Variants in HAPSTR1 observed in about 807,000 individuals in gnomAD.
HAPSTR1 encodes the protein HUWE1 associated protein modifying stress responses.
chr16:9,097,572 G>C, the HAPSTR1 span, among the ~76,000 whole-genome samples: 1 of 152,166 alleles, frequency 6.6e-6, no homozygotes, highest in Admixed American at 6.5e-5. Flanking sequence ...TATGTTGGTT[G>C]CAAGTATGAG....
chr16:9,102,021 T>C, the HAPSTR1 span, among the ~76,000 whole-genome samples: 1 of 152,082 alleles, frequency 6.6e-6, no homozygotes, highest in Non-Finnish European at 1.5e-5. Context: ...CTCAGGAGGC[T>C]GAAGCAGGAG....
At chr16:9,104,223 C>G in the HAPSTR1 span, 1 of 151,588 alleles carries the variant, frequency 6.6e-6, no homozygotes, top group East Asian at 1.9e-4. Context: ...AAGCGATTCT[C>G]CTGCCTCAGC....
chr16:9,092,374 G>A, the HAPSTR1 span: 1 of 1,071,632 alleles, frequency 9.3e-7, no homozygotes, highest in African/African-American at 1.7e-5. Flanking sequence ...CGACGGCGGC[G>A]GCCTCGGGGA....
At chr16:9,120,832 C>A in the HAPSTR1 span, 1 of 151,876 alleles carries the variant, frequency 6.6e-6, no homozygotes, top group Non-Finnish European at 1.5e-5. Flanking sequence ...TGCCTGCCAC[C>A]ACACCTGGCT....
the HAPSTR1 span, chr16:9,093,143 C>T: frequency 2.4e-6 from 2 of 846,330 alleles, no homozygotes; most frequent in Non-Finnish European, 3.7e-6. Context: ...CGCGGCGGTG[C>T]TCTAGCTAGA....
the HAPSTR1 span, chr16:9,091,805 G>C: frequency 2.6e-6 from 1 of 384,768 alleles, no homozygotes; most frequent in Non-Finnish European, 4.6e-6. Context: ...GGTCCGCGGC[G>C]ACCTTCGGCC....
the HAPSTR1 span, among the ~76,000 whole-genome samples, chr16:9,093,159 C>G: frequency 4.6e-5 from 7 of 152,100 alleles, no homozygotes. Context: ...CTAGATCCAC[C>G]GGAGGCGATT....
chr16:9,116,237 C>T, the HAPSTR1 span, among the ~76,000 whole-genome samples: 3 of 152,156 alleles, frequency 2.0e-5, no homozygotes, highest in Non-Finnish European at 4.4e-5. Flanking sequence ...ATTTCTGGCT[C>T]TCCTGAATAC....
the HAPSTR1 span, among the ~76,000 whole-genome samples, chr16:9,093,303 C>G: frequency 3.3e-5 from 5 of 152,168 alleles, no homozygotes; most frequent in African/African-American, 1.2e-4. Flanking sequence ...CCCAAGATAA[C>G]CGCCCCGGCC....
chr16:9,096,381 A>T, the HAPSTR1 span, among the ~76,000 whole-genome samples: 7 of 148,324 alleles, frequency 4.7e-5, no homozygotes, highest in East Asian at 1.4e-3. Flanking sequence ...TCTGGTGTGT[A>T]TTTCCTTCTT....
chr16:9,117,931 G>A, the HAPSTR1 span: 1 of 152,544 alleles, frequency 6.6e-6, no homozygotes, highest in African/African-American at 2.4e-5. Context: ...ACTTAAAATA[G>A]CAAAACCCAA....
At chr16:9,100,190 C>G in the HAPSTR1 span, among the ~76,000 whole-genome samples, 1 of 152,144 alleles carries the variant, frequency 6.6e-6, no homozygotes, top group Non-Finnish European at 1.5e-5. Flanking sequence ...ACTTGGTTAT[C>G]TCAGAATTTT....
the HAPSTR1 span, chr16:9,113,247 G>A: frequency 4.0e-5 from 6 of 151,856 alleles, no homozygotes; most frequent in Non-Finnish European, 2.9e-5. Flanking sequence ...GGAAGATTAG[G>A]TAGGCAGACT....
At chr16:9,113,472 G>T in the HAPSTR1 span, among the ~76,000 whole-genome samples, 2 of 152,086 alleles carry the variant, frequency 1.3e-5, no homozygotes, top group East Asian at 3.8e-4. Context: ...GAAATCCCTA[G>T]TCCACTTCTG....
the HAPSTR1 span, chr16:9,106,209 GACC>G: frequency 6.6e-6 from 1 of 151,706 alleles, no homozygotes; most frequent in African/African-American, 2.4e-5. Context: ...AGGAGTTTGA[GACC>G]ACCCTGGCCA....
the HAPSTR1 span, among the ~76,000 whole-genome samples, chr16:9,092,616 C>G: frequency 5.5e-4 from 83 of 152,206 alleles, no homozygotes; most frequent in South Asian, 0.017. Flanking sequence ...CGGGGCGGCC[C>G]CATTGTGCCC....
chr16:9,095,355 A>G, the HAPSTR1 span, among the ~76,000 whole-genome samples: 1 of 152,344 alleles, frequency 6.6e-6, no homozygotes, highest in East Asian at 1.9e-4. Context: ...AAAATTAGCA[A>G]GGTGGTGTCA....
At chr16:9,113,911 G>T in the HAPSTR1 span, among the ~76,000 whole-genome samples, 2 of 152,152 alleles carry the variant, frequency 1.3e-5, no homozygotes, top group African/African-American at 2.4e-5. Context: ...TGTTGGAGAG[G>T]TGAATAAACA....
At chr16:9,099,356 C>A in the HAPSTR1 span, among the ~76,000 whole-genome samples, 5 of 152,020 alleles carry the variant, frequency 3.3e-5, no homozygotes, top group African/African-American at 9.7e-5. Flanking sequence ...TGCCACCATG[C>A]CTGGCTAATT....
Sources: gnomAD v4.1 joint callset for allele counts (sites outside exome capture counted in the v4.1 genomes callset) on GRCh38, gnomAD v4.1.1 for gene constraint, MANE v1.5 for transcripts, NCBI Gene and HGNC (gene_info 2026-07-23, HGNC 2026-07-21) for gene names.